Variants in ZNF605 observed in about 807,000 individuals in gnomAD.
ZNF605 encodes the protein zinc finger protein 605.
Under a neutral mutation model 7.9 loss-of-function variants are expected in ZNF605, and 9 were observed. The observed-to-expected ratio is 1.14, with a 90% CI of 0.68 to 1.98. The LOEUF (loss-of-function observed/expected upper bound fraction) is 1.98, where lower values mean the gene tolerates loss of function less well. Among genes scored for constraint, ZNF605 ranks in the 30% most tolerant of loss-of-function variants. The probability of loss-of-function intolerance (pLI) is 0.00; values close to 1 mark genes in which losing one functional copy is unlikely to be tolerated. For missense variants in ZNF605, 673 were observed against 762.4 expected (o/e 0.88, Z 1.38); for synonymous variants, 255 against 260.1 (o/e 0.98, Z 0.19).
In ZNF605 at chr12:132,925,345, C is replaced by T. The variant is rs766834151; in HGVS notation, c.*28G>A. ...AGAAAGTATGACACTTGATAGCAAC[C>T]TTTCTGCATTCGCCAAAGTCATGAT... On this transcript the variant is annotated 3_prime_UTR_variant, in exon 5 of 5. Coordinates refer to ENST00000360187, the MANE Select transcript of ZNF605 (RefSeq NM_183238.4). The T allele has an allele frequency of 6.6e-7, 1 of 1,510,824 alleles. No homozygotes were observed. The highest frequency in any genetic ancestry group is 2.3e-5 in the East Asian group (1 of 44,060). The allele number at this position is 1,510,824 out of a possible 1,614,324, so 93.6% of individuals were successfully genotyped here. A position where few individuals can be genotyped will look rare whatever the true frequency, so the allele number is the denominator to read the frequency against.
chr12:132,951,502 C>A (rs1398743564), intron 1 of ZNF605, among the ~76,000 whole-genome samples: 3 of 151,228 alleles, frequency 2.0e-5, no homozygotes, highest in Admixed American at 2.0e-4. Flanking sequence ...CATATACACA[C>A]ACACGTACAC....
Position 132,933,084 on chromosome 12 carries a change from G to A in ZNF605, c.87C>T (p.Asn29=). 1 of 1,611,634 alleles carries A rather than the reference G, an allele frequency of 6.2e-7. No individual in the cohort carries two copies. The highest frequency in any genetic ancestry group is 8.5e-7 in the Non-Finnish European group (1 of 1,178,486). ...TCTCCAACATCACATCTCTGTACAA[G>A]TTCTTCTGAGTAGGATTAAGTAGCT... The part of the protein sequence containing the change: ...EWQLLNPTQK[N]LYRDVMLENY... The change falls in exon 4 of 5, where the codon AAC becomes AAT. Residue 29 remains asparagine, a synonymous_variant. Coordinates refer to ENST00000360187, the MANE Select transcript of ZNF605 (RefSeq NM_183238.4). The surrounding 1 kb of genome is among the most constrained non-coding windows in gnomAD (Gnocchi z 4.4).
rs973364502 is a variant in ZNF605 at position 132,933,512 on chromosome 12, G to A, written c.16-357C>T. ...AGGCTTCCCAACAGCCACTGAGTGAGCCTGGAGGAGCCAGCTCCTTCCTCG... is the reference window on the plus strand; with the variant it reads ...AGGCTTCCCAACAGCCACTGAGTGAACCTGGAGGAGCCAGCTCCTTCCTCG... On this transcript the variant is annotated intron_variant, in intron 3 of 4. Coordinates refer to ENST00000360187, the MANE Select transcript of ZNF605 (RefSeq NM_183238.4). This position sits in a 1 kb window ranked among gnomAD's most constrained non-coding sequence, Gnocchi z 4.4. Among the ~76,000 whole-genome samples, 174 of 152,302 alleles carry A rather than the reference G, an allele frequency of 1.1e-3. No individual in the cohort carries two copies. The highest frequency in any genetic ancestry group is 4.0e-3 in the African/African-American group (167 of 41,572).
rs12772 is a variant in ZNF605, at chr12:132,921,910, C to T, written c.*3463G>A. 0.17 allele frequency: 25,257 copies of T among 152,218 alleles called. 2,389 individuals are homozygous for T. The highest frequency in any genetic ancestry group is 0.26 in the South Asian group (1,243 of 4,826). The allele number at this position is 152,218 out of a possible 1,614,324, so 9.4% of individuals were successfully genotyped here. On this transcript the variant is annotated 3_prime_UTR_variant, in exon 5 of 5. Transcript: ENST00000360187. ...GGGCCTCTTTGGCAGTCGACTTCAACTTAATGCATTAGCGCCGTAAGGTTG... is the reference window on the plus strand; with the variant it reads ...GGGCCTCTTTGGCAGTCGACTTCAATTTAATGCATTAGCGCCGTAAGGTTG...
intron 1 of ZNF605, among the ~76,000 whole-genome samples, chr12:132,954,252 C>T (rs965353714): frequency 3.4e-5 from 5 of 148,078 alleles, no homozygotes; most frequent in South Asian, 4.3e-4. Context: ...CCCCCAAAGC[C>T]CCACTTAAGA....
rs748359310 is a variant in ZNF605 at position 132,925,843 on chromosome 12, A to G, written c.1456T>C (p.Phe486Leu). 6 of 1,614,122 alleles carry G rather than the reference A, an allele frequency of 3.7e-6. No homozygotes were observed. Among genetic ancestry groups the G allele is most frequent in the Non-Finnish European group, 4.2e-6 (5 of 1,179,992 alleles). The part of the protein sequence containing the change: ...PYECSECRKT[F>L]SEKSSLIHHQ... ...TGAATGAGACTTGACTTCTCACTGA[A>G]GGTTTTCCTGCATTCACTGCATTCA... The change falls in exon 5 of 5, where the codon TTC (phenylalanine) becomes CTC (leucine). Residue 486 changes from phenylalanine to leucine, a missense_variant. Physicochemically the swap from Phe to Leu is conservative, Grantham distance 22. Coordinates refer to ENST00000360187, the MANE Select transcript of ZNF605 (RefSeq NM_183238.4).
At chr12:132,942,555 G>C (rs7967101) in intron 3 of ZNF605, among the ~76,000 whole-genome samples, 1 of 152,140 alleles carries the variant, frequency 6.6e-6, no homozygotes, top group Admixed American at 6.5e-5. Flanking sequence ...AGACTGGACA[G>C]AGGCCCGACG....
intron 4 of ZNF605, chr12:132,932,780 T>C (rs1252830304): frequency 6.5e-7 from 1 of 1,536,482 alleles, no homozygotes; most frequent in African/African-American, 1.4e-5. Context: ...GTTTGAACAT[T>C]GCATCAGGTT....
chr12:132,926,300 C>T lies in ZNF605; in HGVS notation c.999G>A (p.Gly333=). ...QLITHQRTHT[G]KKPYGCGECQ... is the part of the protein sequence containing the mutation. ...ACTCACCACATCCGTAAGGTTTCTT[C>T]CCTGTGTGGGTCCTCTGATGAGTAA... The change falls in exon 5 of 5, where the codon GGG becomes GGA. Residue 333 remains glycine, a synonymous_variant. Transcript: ENST00000360187. The T allele has an allele frequency of 1.2e-6, 2 of 1,614,022 alleles. No individual in the cohort carries two copies. The highest frequency in any genetic ancestry group is 4.5e-5 in the East Asian group (2 of 44,862).
chr12:132,930,330 C>T (rs917327452), intron 4 of ZNF605, among the ~76,000 whole-genome samples: 12 of 152,206 alleles, frequency 7.9e-5, no homozygotes, highest in East Asian at 3.8e-4. Context: ...CACCATGTCA[C>T]GCCCACCAAA....
chr12:132,927,784 G>T (rs1318596906), intron 4 of ZNF605, among the ~76,000 whole-genome samples: 1 of 151,998 alleles, frequency 6.6e-6, no homozygotes, highest in Non-Finnish European at 1.5e-5. Context: ...AGCCTCCTGA[G>T]TAGCTGAGAC....
intron 3 of ZNF605, among the ~76,000 whole-genome samples, chr12:132,943,393 T>C (rs1256840351): frequency 1.3e-5 from 2 of 149,624 alleles, no homozygotes; most frequent in East Asian, 3.9e-4. Flanking sequence ...CTGTAGTGCA[T>C]GTTCAGGTGT....
chr12:132,947,179 A>AT (rs1359278706), intron 2 of ZNF605, among the ~76,000 whole-genome samples: 13 of 151,746 alleles, frequency 8.6e-5, no homozygotes, highest in African/African-American at 2.9e-4. Context: ...CGCCTGGCCA[A>AT]TTTTTTTGTA....
rs1355362414 is a variant in ZNF605 at position 132,923,128 on chromosome 12, C to T, written c.*2245G>A. On this transcript the variant is annotated 3_prime_UTR_variant, in exon 5 of 5. Transcript: ENST00000360187. ...GTCTACTCAACTATATTTAAAAATT[C>T]ACACTTAAGTGTTATCGTCATCACA... 2 of 152,190 alleles carry T rather than the reference C, an allele frequency of 1.3e-5. No homozygotes were observed. The highest frequency in any genetic ancestry group is 6.5e-5 in the Admixed American group (1 of 15,270). The allele number at this position is 152,190 out of a possible 1,614,324, so 9.4% of individuals were successfully genotyped here.
In ZNF605 at chr12:132,927,028, G is replaced by A. The variant is rs200907965; in HGVS notation, c.271C>T (p.Arg91Ter). ...SSINIVHVGL[R>*]SHKCGTGEKS... The stretch of plus-strand genomic sequence containing the variant: ...TCTCCTGTGCCACATTTATGGGATC[G>A]CAGTCCTACATGAACAATGTTTATG... The change falls in exon 5 of 5, where the codon CGA (arginine) becomes TGA (stop). Residue 91 changes from arginine (R) to a stop codon, truncating the protein, a stop_gained. Coordinates refer to ENST00000360187, the MANE Select transcript of ZNF605 (RefSeq NM_183238.4). LOFTEE classifies it low-confidence loss of function (END_TRUNC). The A allele has an allele frequency of 6.1e-5, 98 of 1,609,408 alleles. No individual in the cohort carries two copies. Among genetic ancestry groups the A allele is most frequent in the Admixed American group, 8.3e-5 (5 of 59,932 alleles).
At position 132,926,937 on chromosome 12, in the gene ZNF605, T is replaced by C; in HGVS notation, c.362A>G (p.Asp121Gly). 6.2e-7 allele frequency: 1 copy of C among 1,610,928 alleles called. No individual in the cohort carries two copies. The highest frequency in any genetic ancestry group is 8.5e-7 in the Non-Finnish European group (1 of 1,178,696). ...PKNNCERKKI[D>G]ELNKKLLFCI... ...GAACAATAATTTCTTATTGAGTTCA[T>C]CAATTTTCTTTCTTTCACAATTATT... The change falls in exon 5 of 5, where the codon GAT becomes GGT. Residue 121 changes from aspartate to glycine, a missense_variant. Physicochemically the swap from Asp to Gly is moderately conservative, Grantham distance 94. Transcript: ENST00000360187.
chr12:132,948,332 C>G (rs893566977), intron 1 of ZNF605, 62 bp from the exon 2 acceptor site: 6 of 152,246 alleles, frequency 3.9e-5, no homozygotes, highest in Admixed American at 3.3e-4. Flanking sequence ...GACGGAAATT[C>G]TACCTCACGT....
intron 3 of ZNF605, among the ~76,000 whole-genome samples, chr12:132,939,185 C>A (rs1444251414): frequency 6.6e-6 from 1 of 152,138 alleles, no homozygotes. Flanking sequence ...AGCCCCGGTG[C>A]GGGATCCACT....
rs1593575260 is a variant in ZNF605, at chr12:132,920,927, A to G, written c.*4446T>C. On this transcript the variant is annotated 3_prime_UTR_variant, in exon 5 of 5. Coordinates refer to ENST00000360187, the MANE Select transcript of ZNF605 (RefSeq NM_183238.4). Reference sequence around the variant, plus strand: ...CTGCAACCTCCTCCTCCCAGGTACAAGTGATTCTCTTGTCTCAGCCTCCCA... The same window carrying G: ...CTGCAACCTCCTCCTCCCAGGTACAGGTGATTCTCTTGTCTCAGCCTCCCA... The G allele has an allele frequency of 6.6e-6, 1 of 152,308 alleles. No individual in the cohort carries two copies. Among genetic ancestry groups the G allele is most frequent in the East Asian group, 1.9e-4 (1 of 5,182 alleles). 9.4% of individuals were successfully genotyped at this position (152,308 alleles called of 1,614,324 possible). A position where few individuals can be genotyped will look rare whatever the true frequency, so the allele number is the denominator to read the frequency against.
Sources: allele counts gnomAD v4.1 joint callset (sites outside exome capture counted in the v4.1 genomes callset), GRCh38; gene constraint gnomAD v4.1.1; non-coding constraint Gnocchi (gnomAD v3.1); transcripts MANE v1.5; gene names NCBI Gene and HGNC (gene_info 2026-07-23, HGNC 2026-07-21).